GNPTAB: variants seen among roughly 807,000 people sequenced by gnomAD.
GNPTAB encodes N-acetylglucosamine-1-phosphotransferase subunits alpha/beta.
Under a neutral mutation model 136.6 loss-of-function variants are expected in GNPTAB, and 92 were observed. That is an observed-to-expected ratio of 0.67 (90% confidence interval 0.57 to 0.80). The LOEUF is 0.80. GNPTAB is among the 30% of genes least tolerant of loss of function. The pLI, the probability that GNPTAB is intolerant of heterozygous loss-of-function variation, is 0.00. For synonymous variants in GNPTAB, 512 were observed against 535.1 expected, an observed-to-expected ratio of 0.96 and a Z score of 0.60; for missense variants, 1,343 against 1,501.8, an observed-to-expected ratio of 0.89 and a Z score of 1.75.
At chr12:101,769,019 T>C (rs1486412487) in intron 10 of GNPTAB, among the ~76,000 whole-genome samples, 2 of 152,292 alleles carry the variant, frequency 1.3e-5, no homozygotes, top group South Asian at 4.1e-4. Flanking sequence ...GACAACTCAA[T>C]AGGGGAACAG....
Position 101,765,070 on chromosome 12 carries a change from G to A in GNPTAB, c.1847C>T (p.Thr616Met), listed in dbSNP as rs780754017. ...CTCTTCATCGTTTGTATTTTGAAAC[G>A]TGAGATTAAAATGTATTGTGGTGGC... ...MNATTIHFNL[T>M]FQNTNDEEFK... Residue 616 changes from threonine to methionine, a missense_variant, in exon 13 of 21, where the codon ACG becomes ATG. Physicochemically the swap from Thr to Met is moderately conservative, Grantham distance 81. Transcript: ENST00000299314. 1.6e-5 allele frequency: 26 copies of A among 1,613,822 alleles called. No individual in the cohort carries two copies. The highest frequency in any genetic ancestry group is 3.3e-5 in the Admixed American group (2 of 59,998).
chr12:101,779,073 TA>T lies in GNPTAB; in HGVS notation c.771+1078del, dbSNP rs146767318. ...AAGGAATTTGGTTGGGGGGTGCATATAAAAACATGGTTAAGACAGGAACTAA... is the reference window on the plus strand; with the variant it reads ...AAGGAATTTGGTTGGGGGGTGCATATAAAACATGGTTAAGACAGGAACTAA... On this transcript the variant is annotated intron_variant, in intron 7 of 20. Transcript: ENST00000299314. 3,394 of 152,084 alleles carry T rather than the reference TA, an allele frequency of 0.022. 352 individuals carry two copies. The East Asian group carries it at 0.32, about 14-fold the overall frequency. 9.4% of individuals were successfully genotyped at this position (152,084 alleles called of 1,614,324 possible).
chr12:101,804,646 C>A (rs1436589926), intron 1 of GNPTAB, among the ~76,000 whole-genome samples: 3 of 152,184 alleles, frequency 2.0e-5, no homozygotes, highest in African/African-American at 7.2e-5. Context: ...ACCTTAATCA[C>A]CTAGCCACAT....
At chr12:101,827,307 C>T (rs1871139805) in intron 1 of GNPTAB, among the ~76,000 whole-genome samples, 1 of 151,830 alleles carries the variant, frequency 6.6e-6, no homozygotes, top group Non-Finnish European at 1.5e-5. Flanking sequence ...CGCCATGTTG[C>T]CCAGGCTGGT....
At chr12:101,779,413 C>A (rs1472406104) in intron 7 of GNPTAB, 1 of 152,442 alleles carries the variant, frequency 6.6e-6, no homozygotes, top group African/African-American at 2.4e-5. Context: ...CCCACATGGA[C>A]TATGTCCTAA....
At chr12:101,793,984 T>C (rs1042184505) in intron 2 of GNPTAB, among the ~76,000 whole-genome samples, 1 of 152,102 alleles carries the variant, frequency 6.6e-6, no homozygotes, top group East Asian at 1.9e-4. Flanking sequence ...GCTGGGATTA[T>C]AGGCAACCAC....
chr12:101,761,527 A>G lies in GNPTAB; in HGVS notation c.2915+37T>C, dbSNP rs1334782708. The G allele has an allele frequency of 1.9e-6, 3 of 1,586,232 alleles. No homozygotes were observed. The African/African-American group carries it at 4.1e-5, about 21-fold the overall frequency. ...CACATTTCAAGTAGCCTTAGTTCTG[A>G]ACACAAGCAAACAACTCAAACACGA... On this transcript the variant is annotated intron_variant, in intron 14 of 20. Coordinates refer to ENST00000299314, the MANE Select transcript of GNPTAB (RefSeq NM_024312.5).
intron 2 of GNPTAB, chr12:101,796,268 G>A (rs1219178961): frequency 1.4e-6 from 1 of 702,468 alleles, no homozygotes; most frequent in Non-Finnish European, 2.6e-6. Flanking sequence ...CAGACCTGGG[G>A]AGACAGAAAA....
At chr12:101,781,144 G>C (rs946863553) in intron 5 of GNPTAB, among the ~76,000 whole-genome samples, 1 of 152,142 alleles carries the variant, frequency 6.6e-6, no homozygotes, top group African/African-American at 2.4e-5. Context: ...CTGCTGAATG[G>C]AGCATCATAA....
At chr12:101,751,347 C>T (rs904082846) in intron 19 of GNPTAB, among the ~76,000 whole-genome samples, 10 of 152,186 alleles carry the variant, frequency 6.6e-5, no homozygotes, top group African/African-American at 2.4e-4. Flanking sequence ...CTTATTGCCG[C>T]CCTCAATATA....
At position 101,763,872 on chromosome 12, in the gene GNPTAB, G is replaced by A. The variant is rs567940819; in HGVS notation, c.2715+330C>T. Reference sequence around the variant, plus strand: ...TTCAGGGTTTTTCATCAGTAAAGCTGGAAAAATACCATATCTGAAATGTCA... The same window carrying A: ...TTCAGGGTTTTTCATCAGTAAAGCTAGAAAAATACCATATCTGAAATGTCA... On this transcript the variant is annotated intron_variant, in intron 13 of 20. Coordinates refer to ENST00000299314, the MANE Select transcript of GNPTAB (RefSeq NM_024312.5). Among the ~76,000 whole-genome samples the A allele has an allele frequency of 2.0e-5, 3 of 152,198 alleles. No individual in the cohort carries two copies. In the East Asian group the frequency reaches 5.8e-4, roughly 29 times the overall value.
chr12:101,821,829 G>C (rs1221042354), intron 1 of GNPTAB, among the ~76,000 whole-genome samples: 4 of 152,172 alleles, frequency 2.6e-5, no homozygotes, highest in African/African-American at 7.2e-5. Context: ...GAGGACAAGA[G>C]AGAAGTTGTC....
At chr12:101,796,547 C>A in intron 2 of GNPTAB, 130 bp downstream of exon 2, 1 of 707,600 alleles carries the variant, frequency 1.4e-6, no homozygotes. Context: ...ATCAGATGGG[C>A]ATACTCCTGA....
At chr12:101,790,162 G>A (rs868106886) in intron 2 of GNPTAB, 105 bp from the exon 3 acceptor site, 8 of 1,469,402 alleles carry the variant, frequency 5.4e-6, no homozygotes, top group Middle Eastern at 1.7e-4. Flanking sequence ...AAAAATCTCT[G>A]AAGAAGTAAT....
At chr12:101,802,233 A>T (rs912837077) in intron 1 of GNPTAB, among the ~76,000 whole-genome samples, 5 of 151,716 alleles carry the variant, frequency 3.3e-5, no homozygotes, top group Non-Finnish European at 7.4e-5. Context: ...GAAAAGAAAA[A>T]AAGAAAAAGG....
At position 101,764,421 on chromosome 12, in the gene GNPTAB, T is replaced by C. The variant is rs2137116288; in HGVS notation, c.2496A>G (p.Lys832=). The C allele has an allele frequency of 6.2e-7, 1 of 1,613,356 alleles. No individual in the cohort carries two copies. Among genetic ancestry groups the C allele is most frequent in the Admixed American group, 1.7e-5 (1 of 59,938 alleles). Residue 832 remains lysine, a synonymous_variant, in exon 13 of 21, where the codon AAA becomes AAG. Coordinates refer to ENST00000299314, the MANE Select transcript of GNPTAB (RefSeq NM_024312.5). ...TQKTIGGNVT[K]EKPPSLIVPL... ...GAACAATCAGAGATGGGGGCTTTTC[T>C]TTTGTCACATTTCCGCCTATGGTTT...
At chr12:101,824,649 T>A (rs1197392180) in intron 1 of GNPTAB, among the ~76,000 whole-genome samples, 1 of 151,544 alleles carries the variant, frequency 6.6e-6, no homozygotes, top group Non-Finnish European at 1.5e-5. Context: ...GTATTTTTTG[T>A]AGAGACAGGG....
intron 1 of GNPTAB, among the ~76,000 whole-genome samples, chr12:101,803,132 A>C (rs1185224325): frequency 1.3e-5 from 2 of 152,202 alleles, no homozygotes; most frequent in Non-Finnish European, 2.9e-5. Context: ...ACATGCCAAG[A>C]GGCCTTAGAA....
intron 2 of GNPTAB, among the ~76,000 whole-genome samples, chr12:101,792,071 T>C (rs146118812): frequency 0.012 from 1,751 of 152,224 alleles, 36 homozygotes; most frequent in African/African-American, 0.04. Flanking sequence ...CAAATGGGGA[T>C]AGAAAGAGTG....
Sources: allele counts gnomAD v4.1 joint callset (sites outside exome capture counted in the v4.1 genomes callset), GRCh38; gene constraint gnomAD v4.1.1; transcripts MANE v1.5; gene names NCBI Gene and HGNC (gene_info 2026-07-23, HGNC 2026-07-21).